The following MED23 variants were observed in gnomAD, a reference collection of about 807,000 sequenced individuals.
MED23 encodes the protein mediator of RNA polymerase II transcription subunit 23.
In MED23, 105 loss-of-function variants were observed where a neutral mutation model predicts 163.9. That is an observed-to-expected ratio of 0.64 (90% CI 0.55 to 0.75). MED23 has a LOEUF of 0.75. MED23 is among the 30% of genes least tolerant of loss of function. The probability of loss-of-function intolerance (pLI) is 0.00; values close to 1 mark genes in which losing one functional copy is unlikely to be tolerated. For missense variants in MED23, 1,054 were observed against 1,649.0 expected (o/e 0.64, Z 6.25); for synonymous variants, 561 against 565.6 (o/e 0.99, Z 0.12).
At chr6:131,602,720 T>C (rs988350278) in intron 16 of MED23, among the ~76,000 whole-genome samples, 2 of 152,118 alleles carry the variant, frequency 1.3e-5, no homozygotes, top group Non-Finnish European at 2.9e-5. Context: ...ACTTTAACCA[T>C]AATCTGAAGT....
At chr6:131,591,258 A>T in intron 26 of MED23, 55 bp downstream of exon 26, 1 of 1,385,040 alleles carries the variant, frequency 7.2e-7, no homozygotes, top group Non-Finnish European at 1.0e-6. Context: ...GATTACAGGC[A>T]TGAACCACCG....
chr6:131,598,873 C>A lies in MED23; in HGVS notation c.2221-112G>T. On this transcript the variant is annotated intron_variant, in intron 18 of 28. Transcript: ENST00000368068. This position sits in a 1 kb window ranked among gnomAD's most constrained non-coding sequence, Gnocchi z 4.7. ...TCTGACACTAATAAACTCTAGGTCA[C>A]CTTGAGCAACTCAGCAATTAAGGCC... is the stretch of plus-strand genomic sequence containing the variant. 1.0e-6 allele frequency: 1 copy of A among 974,050 alleles called. No individual in the cohort carries two copies. The highest frequency in any genetic ancestry group is 1.6e-6 in the Non-Finnish European group (1 of 623,284). The allele number at this position is 974,050 out of a possible 1,614,324, so 60.3% of individuals were successfully genotyped here.
At chr6:131,602,939 A>T in intron 16 of MED23, 91 bp downstream of exon 16, 1 of 1,340,580 alleles carries the variant, frequency 7.5e-7, no homozygotes, top group African/African-American at 1.5e-5. Context: ...ATAAAAAAAA[A>T]AACTATAAGG....
rs937363202 is a variant in MED23, at chr6:131,624,882, A to G, written c.267T>C (p.Thr89=). 2.5e-6 allele frequency: 4 copies of G among 1,613,974 alleles called. No individual in the cohort carries two copies. Among genetic ancestry groups the G allele is most frequent in the Non-Finnish European group, 3.4e-6 (4 of 1,179,996 alleles). ...LYDCLAMAVE[T]GLLPPRLVCE... Reference sequence around the variant, plus strand: ...AAACGTACCTGGGTGGAAGGAGACCAGTCTCAACTGCCATTGCTAAGCAGT... The same window carrying G: ...AAACGTACCTGGGTGGAAGGAGACCGGTCTCAACTGCCATTGCTAAGCAGT... The change falls in exon 4 of 29, where the codon ACT becomes ACC. Residue 89 remains threonine, a synonymous_variant. Coordinates refer to ENST00000368068, the MANE Select transcript of MED23 (RefSeq NM_004830.4).
At chr6:131,583,297 A>T, downstream of MED23, 3 of 1,610,938 alleles carry the variant, frequency 1.9e-6, no homozygotes, top group South Asian at 1.1e-5. Flanking sequence ...ACAGATTATT[A>T]TCTATGAAAT....
intron 18 of MED23, 45 bp downstream of exon 18, chr6:131,599,993 G>A (rs1191766973): frequency 1.2e-6 from 2 of 1,607,558 alleles, no homozygotes; most frequent in Non-Finnish European, 1.7e-6. Flanking sequence ...TGAATGGGAA[G>A]AAGGATTTCA....
chr6:131,584,816 T>TACACACACACACACACACACACAC (rs59196638), downstream of MED23, among the ~76,000 whole-genome samples: 139 of 134,130 alleles, frequency 1.0e-3, no homozygotes, highest in African/African-American at 3.7e-3. Context: ...CTACAAAAAA[T>TACACACACACACACACACACACAC]ACACACACAC....
chr6:131,626,640 C>T (rs1777523357), intron 3 of MED23, among the ~76,000 whole-genome samples: 1 of 152,108 alleles, frequency 6.6e-6, no homozygotes, highest in Non-Finnish European at 1.5e-5. Flanking sequence ...GAGAAAGAGA[C>T]TAGTTATTGG....
chr6:131,607,812 A>T, intron 12 of MED23, 116 bp downstream of exon 12: 1 of 1,160,864 alleles, frequency 8.6e-7, no homozygotes, highest in Non-Finnish European at 1.3e-6. Flanking sequence ...CTTAACATTC[A>T]ATTGTGATTT....
chr6:131,627,156 G>GTTT (rs1406002221), intron 3 of MED23: 4 of 400,854 alleles, frequency 1.0e-5, no homozygotes, highest in East Asian at 8.2e-5. Context: ...CATAGGGGAG[G>GTTT]TTTTTTTTTT....
Position 131,589,526 on chromosome 6 carries a change from G to A in MED23, c.3878C>T (p.Pro1293Leu). Residue 1293 changes from proline (P) to leucine (L), a missense_variant, in exon 28 of 29, where the codon CCC (proline) becomes CTC (leucine). Coordinates refer to ENST00000368068, the MANE Select transcript of MED23 (RefSeq NM_004830.4). The stretch of plus-strand genomic sequence containing the variant: ...CATGTGATAGAGGAAGTCACAGATG[G>A]GATCCATGTAATTTAAATGGGTGCT... ...QCSTHLNYMD[P>L]ICDFLYHMKY... The A allele has an allele frequency of 1.2e-6, 2 of 1,613,588 alleles. No homozygotes were observed. The highest frequency in any genetic ancestry group is 1.7e-6 in the Non-Finnish European group (2 of 1,179,606).
At chr6:131,621,000 C>T (rs982178665) in intron 6 of MED23, among the ~76,000 whole-genome samples, 6 of 151,916 alleles carry the variant, frequency 3.9e-5, no homozygotes, top group Non-Finnish European at 8.8e-5. Flanking sequence ...ACAGGGTCTC[C>T]CCAGGATGTC....
chr6:131,616,646 C>T lies in MED23; in HGVS notation c.781-644G>A, dbSNP rs1442782176. On this transcript the variant is annotated intron_variant, in intron 9 of 28. Coordinates refer to ENST00000368068, the MANE Select transcript of MED23 (RefSeq NM_004830.4). ...CCAGCCTGGGCAATATGGCAAAACC[C>T]CATCTCTACAAAAAACACAAAAAAC... Among the ~76,000 whole-genome samples, 5 of 152,040 alleles carry T rather than the reference C, an allele frequency of 3.3e-5. No homozygotes were observed. In the South Asian group the frequency reaches 1.0e-3, roughly 32 times the overall value.
chr6:131,612,625 T>C (rs978290605), intron 10 of MED23, among the ~76,000 whole-genome samples: 1 of 152,160 alleles, frequency 6.6e-6, no homozygotes, highest in South Asian at 2.1e-4. Flanking sequence ...CATAACTATA[T>C]GCCTATTTAG....
Position 131,623,348 on chromosome 6 carries a change from T to C in MED23, c.396+3A>G. The stretch of plus-strand genomic sequence containing the variant: ...ATCACTTTTTATAATAAGAAAAATA[T>C]ACCTTGTAATCCACTCCCCCAATTA... On this transcript the variant is annotated splice_donor_region_variant and intron_variant, in intron 5 of 28. Transcript: ENST00000368068. The C allele has an allele frequency of 1.2e-6, 2 of 1,607,822 alleles. No homozygotes were observed. The highest frequency in any genetic ancestry group is 1.1e-5 in the South Asian group (1 of 90,962).
At position 131,627,426 on chromosome 6, in the gene MED23, GGCCCCCAAACA is replaced by G; in HGVS notation, c.118_128del (p.Cys40LeufsTer14). 6.2e-7 allele frequency: 1 copy of G among 1,612,728 alleles called. No homozygotes were observed. Among genetic ancestry groups the G allele is most frequent in the African/African-American group, 1.3e-5 (1 of 74,686 alleles). On this transcript the variant is annotated frameshift_variant, in exon 3 of 29. Coordinates refer to ENST00000368068, the MANE Select transcript of MED23 (RefSeq NM_004830.4). LOFTEE classifies it high-confidence loss of function. Reference sequence around the variant, plus strand: ...AAAGACCACCCCAAAACTGTCTGAAGGCCCCCAAACAGCTAATTAGTTTTGTTTTCTCATCT... The same window carrying G: ...AAAGACCACCCCAAAACTGTCTGAAGGCTAATTAGTTTTGTTTTCTCATCT...
intron 3 of MED23, 101 bp from the exon 4 acceptor site, chr6:131,625,090 T>C: frequency 7.9e-7 from 1 of 1,263,490 alleles, no homozygotes; most frequent in Non-Finnish European, 1.1e-6. Flanking sequence ...ATGAAAGAAA[T>C]ACTTCACTAT....
chr6:131,578,324 A>C (rs894255895), intron 30 of MED23, among the ~76,000 whole-genome samples: 4 of 152,228 alleles, frequency 2.6e-5, no homozygotes, highest in Non-Finnish European at 5.9e-5. Context: ...TTACTAAATC[A>C]GATTCACACA....
At chr6:131,592,852 C>G in intron 24 of MED23, 154 bp downstream of exon 24, 1 of 901,744 alleles carries the variant, frequency 1.1e-6, no homozygotes, top group Non-Finnish European at 1.7e-6. Context: ...TCCATAACTC[C>G]TATATCACAA....
Sources: gnomAD v4.1 joint callset for allele counts (sites outside exome capture counted in the v4.1 genomes callset) on GRCh38, gnomAD v4.1.1 for gene constraint, Gnocchi (gnomAD v3.1) non-coding constraint, MANE v1.5 for transcripts, NCBI Gene and HGNC (gene_info 2026-07-23, HGNC 2026-07-21) for gene names.